The following TNPO3 variants were observed in gnomAD, a reference collection of about 807,000 sequenced individuals.
The protein encoded by TNPO3 is transportin 3, also known as transportin-3.
In TNPO3, 65 loss-of-function variants were observed where a neutral mutation model predicts 122.8. That is an observed-to-expected ratio of 0.53 (90% CI 0.43 to 0.65). The LOEUF (loss-of-function observed/expected upper bound fraction) is 0.65, where lower values mean the gene tolerates loss of function less well. Among genes scored for constraint, TNPO3 ranks in the 30% least tolerant of loss-of-function variants. The probability of loss-of-function intolerance (pLI) is 0.00; values close to 1 mark genes in which losing one functional copy is unlikely to be tolerated. For missense variants in TNPO3, 850 were observed against 1,136.7 expected (o/e 0.75, Z 3.63); for synonymous variants, 372 against 411.2 (o/e 0.90, Z 1.15).
intron 1 of TNPO3, among the ~76,000 whole-genome samples, chr7:129,042,848 A>G (rs1807551219): frequency 7.2e-6 from 1 of 139,384 alleles, no homozygotes; most frequent in South Asian, 2.5e-4. Context: ...AGCAGTGATA[A>G]AACAACTCCC....
At chr7:128,958,995 C>A (rs964275443) in intron 21 of TNPO3, among the ~76,000 whole-genome samples, 2 of 152,082 alleles carry the variant, frequency 1.3e-5, no homozygotes, top group African/African-American at 4.8e-5. Context: ...CAGAGTGAGA[C>A]CCTGTCTCAA....
intron 1 of TNPO3, among the ~76,000 whole-genome samples, chr7:129,040,440 G>A (rs1807235722): frequency 6.6e-6 from 1 of 152,096 alleles, no homozygotes; most frequent in African/African-American, 2.4e-5. Context: ...GTGGTTATGG[G>A]AGGGGAATGA....
chr7:129,052,840 T>C (rs968223070), intron 1 of TNPO3, among the ~76,000 whole-genome samples: 10 of 152,214 alleles, frequency 6.6e-5, no homozygotes, highest in Non-Finnish European at 2.9e-5. Context: ...TTTTTTAGTA[T>C]AGTGTAGCAC....
chr7:129,008,934 C>A (rs569703248), intron 4 of TNPO3, among the ~76,000 whole-genome samples: 106 of 152,256 alleles, frequency 7.0e-4, no homozygotes, highest in South Asian at 1.2e-3. Flanking sequence ...CTGAAAAAAA[C>A]CTGTTTCTAA....
At chr7:129,012,866 T>C (rs554921771) in intron 4 of TNPO3, among the ~76,000 whole-genome samples, 31 of 152,268 alleles carry the variant, frequency 2.0e-4, no homozygotes, top group African/African-American at 7.5e-4. Flanking sequence ...GGACAAAATA[T>C]AACCAAATGG....
chr7:128,973,003 TA>T (rs1345542030), intron 18 of TNPO3, among the ~76,000 whole-genome samples: 2 of 150,736 alleles, frequency 1.3e-5, no homozygotes, highest in South Asian at 2.1e-4. Context: ...AGTTGCTCTT[TA>T]AAAAAAAAGG....
intron 21 of TNPO3, among the ~76,000 whole-genome samples, chr7:128,961,225 A>G (rs914000462): frequency 2.0e-5 from 3 of 152,166 alleles, no homozygotes; most frequent in Admixed American, 6.5e-5. Context: ...CAGTTCTGCA[A>G]GTTCCATTCA....
At chr7:128,978,173 A>G (rs1314817740) in intron 16 of TNPO3, among the ~76,000 whole-genome samples, 1 of 152,262 alleles carries the variant, frequency 6.6e-6, no homozygotes, top group African/African-American at 2.4e-5. Context: ...ACAATTACTT[A>G]GTGACTTAAG....
intron 5 of TNPO3, among the ~76,000 whole-genome samples, chr7:129,002,830 A>G (rs1016224345): frequency 2.0e-5 from 3 of 152,086 alleles, no homozygotes; most frequent in African/African-American, 2.4e-5. Flanking sequence ...AGGCCGGTAG[A>G]TCACGAGGTC....
At chr7:128,965,490 T>C (rs1797846993) in intron 21 of TNPO3, among the ~76,000 whole-genome samples, 1 of 152,152 alleles carries the variant, frequency 6.6e-6, no homozygotes, top group Non-Finnish European at 1.5e-5. Flanking sequence ...GCACTGCTAG[T>C]GGGAATGTAA....
chr7:128,974,825 A>G, intron 18 of TNPO3, 43 bp downstream of exon 18: 1 of 1,490,074 alleles, frequency 6.7e-7, no homozygotes, highest in Non-Finnish European at 9.4e-7. Flanking sequence ...CTAAGCAGTG[A>G]TAGGATGAGC....
rs1809303503 is a variant in TNPO3, at chr7:129,054,876, T to C, written c.-106A>G. On this transcript the variant is annotated 5_prime_UTR_variant, in exon 1 of 23. Coordinates refer to ENST00000265388, the MANE Select transcript of TNPO3 (RefSeq NM_012470.4). ...CACTGTCTGGGCCACGGCCGCTCCC[T>C]GACTGGCGCCATCTCCTCCTCTTTG... 2.7e-6 allele frequency: 4 copies of C among 1,489,856 alleles called. No homozygotes were observed. The highest frequency in any genetic ancestry group is 1.8e-6 in the Non-Finnish European group (2 of 1,091,058). 92.3% of individuals were successfully genotyped at this position (1,489,856 alleles called of 1,614,324 possible). A position where few individuals can be genotyped will look rare whatever the true frequency, so the allele number is the denominator to read the frequency against.
Position 129,046,211 on chromosome 7 carries a change from A to AG in TNPO3, c.120+8439_120+8440insC, listed in dbSNP as rs1372977843. Among the ~76,000 whole-genome samples the AG allele has an allele frequency of 1.2e-3, 183 of 150,998 alleles. 2 individuals are homozygous for AG. In the Middle Eastern group the frequency reaches 0.024, roughly 20 times the overall value. On this transcript the variant is annotated intron_variant, in intron 1 of 22. Transcript: ENST00000265388. The stretch of plus-strand genomic sequence containing the variant: ...ACTCCGTCTCAAAAAAAAAAAAAAA[A>AG]AAAAAAGAAACTGATTTTAACTTTT...
chr7:128,999,169 T>C (rs1243488196), intron 7 of TNPO3, among the ~76,000 whole-genome samples: 1 of 152,232 alleles, frequency 6.6e-6, no homozygotes, highest in Non-Finnish European at 1.5e-5. Flanking sequence ...AAAGTACTTT[T>C]CTGAAAATTC....
intron 1 of TNPO3, among the ~76,000 whole-genome samples, chr7:129,031,614 CA>C (rs1298674221): frequency 5.9e-5 from 9 of 152,188 alleles, no homozygotes; most frequent in African/African-American, 2.2e-4. Flanking sequence ...TTCTACAAAA[CA>C]TGTAAAGAAA....
chr7:128,995,520 A>T (rs1377529533), intron 8 of TNPO3, among the ~76,000 whole-genome samples: 1 of 152,250 alleles, frequency 6.6e-6, no homozygotes, highest in Non-Finnish European at 1.5e-5. Context: ...ATTATAAAGC[A>T]CTATACAAAT....
chr7:129,050,405 T>TC (rs796197757), intron 1 of TNPO3, among the ~76,000 whole-genome samples: 3 of 95,932 alleles, frequency 3.1e-5, no homozygotes, highest in Non-Finnish European at 6.8e-5. Flanking sequence ...AAAAAAAGGG[T>TC]GGGGGGGGAA....
rs1280949486 is a variant in TNPO3 at position 129,053,949 on chromosome 7, T to C, written c.120+702A>G. Among the ~76,000 whole-genome samples the C allele has an allele frequency of 2.0e-5, 3 of 152,182 alleles. No individual in the cohort carries two copies. The East Asian group carries it at 5.8e-4, about 29-fold the overall frequency. ...TATCTCACCGGATGCACACACAGTT[T>C]TATATGGAATAATCAAAGCAGCAGT... On this transcript the variant is annotated intron_variant, in intron 1 of 22. Transcript: ENST00000265388.
intron 5 of TNPO3, among the ~76,000 whole-genome samples, chr7:129,003,544 T>C (rs1039093833): frequency 1.3e-5 from 2 of 151,478 alleles, no homozygotes; most frequent in Admixed American, 1.3e-4. Context: ...CACATGCCTA[T>C]ATCCCAGCTA....
Sources: allele counts gnomAD v4.1 joint callset (sites outside exome capture counted in the v4.1 genomes callset), GRCh38; gene constraint gnomAD v4.1.1; transcripts MANE v1.5; gene names NCBI Gene and HGNC (gene_info 2026-07-23, HGNC 2026-07-21).